GPHN: variants seen among roughly 807,000 people sequenced by gnomAD.
GPHN encodes gephyrin.
Under a neutral mutation model 95.5 loss-of-function variants are expected in GPHN, and 17 were observed. The ratio of observed to expected loss-of-function variants is 0.18; its 90% CI spans 0.12 to 0.27. The LOEUF is 0.27. Among genes scored for constraint, GPHN ranks in the 10% least tolerant of loss-of-function variants. The pLI is 1.00. For synonymous variants in GPHN, 320 were observed against 322.5 expected, an observed-to-expected ratio of 0.99 and a Z score of 0.08; for missense variants, 660 against 978.1, an observed-to-expected ratio of 0.67 and a Z score of 4.34.
chr14:67,360,238 G>A, the GPHN span: 286 of 399,712 alleles, frequency 7.2e-4, no homozygotes, highest in African/African-American at 5.4e-3. Context: ...ATCTACATTC[G>A]TCCTTGTTCT....
the GPHN span, chr14:67,473,311 G>C: frequency 6.8e-7 from 1 of 1,470,034 alleles, no homozygotes; most frequent in Non-Finnish European, 9.2e-7. The surrounding 1 kb of genome is among the most constrained non-coding windows in gnomAD (Gnocchi z 6.5). Flanking sequence ...TAGGGCTGAG[G>C]CTTGGCCGGA....
At chr14:67,528,717 G>C in the GPHN span, among the ~76,000 whole-genome samples, 1 of 151,884 alleles carries the variant, frequency 6.6e-6, no homozygotes, top group Non-Finnish European at 1.5e-5. Flanking sequence ...CGTATAACCC[G>C]CAGCTGCAGC....
At chr14:67,591,541 A>AT in the GPHN span, among the ~76,000 whole-genome samples, 1 of 152,084 alleles carries the variant, frequency 6.6e-6, no homozygotes, top group African/African-American at 2.4e-5. Context: ...TGTTTGTATA[A>AT]TTTTTGTTTT....
the GPHN span, among the ~76,000 whole-genome samples, chr14:67,506,361 G>A: frequency 6.5e-4 from 99 of 152,202 alleles, no homozygotes; most frequent in Admixed American, 1.6e-3. Flanking sequence ...AATCCCACTG[G>A]ATAAACATAA....
the GPHN span, among the ~76,000 whole-genome samples, chr14:67,256,476 G>A: frequency 6.6e-6 from 1 of 152,074 alleles, no homozygotes; most frequent in Non-Finnish European, 1.5e-5. Flanking sequence ...TACAATAAAG[G>A]TATATCAAAA....
chr14:66,791,315 G>C (rs1415418671), intron 3 of GPHN, among the ~76,000 whole-genome samples: 1 of 152,182 alleles, frequency 6.6e-6, no homozygotes, highest in Non-Finnish European at 1.5e-5. Context: ...ACAGGGTCCT[G>C]ATCCAGCCCC....
At chr14:66,697,562 T>C (rs2068184834) in intron 2 of GPHN, among the ~76,000 whole-genome samples, 1 of 152,164 alleles carries the variant, frequency 6.6e-6, no homozygotes, top group Non-Finnish European at 1.5e-5. Context: ...TCATGTGAAC[T>C]TTCATTCTTA....
At chr14:67,341,758 G>T in the GPHN span, among the ~76,000 whole-genome samples, 1 of 152,264 alleles carries the variant, frequency 6.6e-6, no homozygotes, top group Admixed American at 6.5e-5. Flanking sequence ...GAAAGGTGGG[G>T]AAAAGATAGA....
At chr14:67,711,065 G>T in the GPHN span, among the ~76,000 whole-genome samples, 1 of 152,158 alleles carries the variant, frequency 6.6e-6, no homozygotes, top group Non-Finnish European at 1.5e-5. Flanking sequence ...AACAAATTTT[G>T]AGAGGAACTT....
chr14:66,653,790 C>A (rs1323887132), intron 1 of GPHN, among the ~76,000 whole-genome samples: 1 of 152,092 alleles, frequency 6.6e-6, no homozygotes, highest in East Asian at 1.9e-4. Context: ...GAGAAGTATT[C>A]CATGGTATGG....
At chr14:67,052,991 G>A (rs915556449) in intron 10 of GPHN, among the ~76,000 whole-genome samples, 3 of 151,266 alleles carry the variant, frequency 2.0e-5, no homozygotes, top group African/African-American at 7.3e-5. Flanking sequence ...ACATCAGAAA[G>A]TTAAAAGATC....
At chr14:66,987,324 T>C (rs1326565947) in intron 9 of GPHN, among the ~76,000 whole-genome samples, 1 of 152,032 alleles carries the variant, frequency 6.6e-6, no homozygotes, top group Non-Finnish European at 1.5e-5. Flanking sequence ...GAAATAAAGA[T>C]AAAAATGGCA....
the GPHN span, among the ~76,000 whole-genome samples, chr14:67,499,678 A>C: frequency 6.6e-6 from 1 of 152,166 alleles, no homozygotes; most frequent in African/African-American, 2.4e-5. Context: ...GGACAGGAAT[A>C]GGGGCAGAGA....
chr14:67,653,488 G>T, the GPHN span: 1 of 1,613,800 alleles, frequency 6.2e-7, no homozygotes, highest in Non-Finnish European at 8.5e-7. Flanking sequence ...GTTTTCACTT[G>T]TGTTTACCAG....
In GPHN at chr14:66,965,960, A is replaced by G. The variant is rs2069296487; in HGVS notation, c.963+635A>G. Among the ~76,000 whole-genome samples the G allele has an allele frequency of 3.3e-5, 5 of 152,142 alleles. No individual in the cohort carries two copies. In the South Asian group the frequency reaches 1.0e-3, roughly 32 times the overall value. On this transcript the variant is annotated intron_variant, in intron 9 of 22. Transcript: ENST00000478722. ...TTATATGCTGTTCACATCTTTGTAT[A>G]CATGATAAATTAACTAGCAGACATT...
chr14:66,561,442 C>T (rs2060238036), intron 1 of GPHN, among the ~76,000 whole-genome samples: 1 of 151,958 alleles, frequency 6.6e-6, no homozygotes, highest in Non-Finnish European at 1.5e-5. Flanking sequence ...ATTCTGTATT[C>T]TGTCGAATCC....
chr14:66,960,361 T>G (rs2068814302), intron 8 of GPHN, among the ~76,000 whole-genome samples: 1 of 151,924 alleles, frequency 6.6e-6, no homozygotes, highest in Non-Finnish European at 1.5e-5. Context: ...AACTTGACAT[T>G]TAAATATTAT....
chr14:67,160,211 G>GA (rs2081893319), intron 19 of GPHN, among the ~76,000 whole-genome samples: 1 of 152,166 alleles, frequency 6.6e-6, no homozygotes, highest in South Asian at 2.1e-4. Context: ...ACTTGCTAGA[G>GA]AAAATGGATC....
At chr14:67,008,883 G>A (rs890598565) in intron 9 of GPHN, among the ~76,000 whole-genome samples, 2 of 152,018 alleles carry the variant, frequency 1.3e-5, no homozygotes, top group African/African-American at 4.8e-5. Context: ...TTTGATTACT[G>A]CCTATTGACT....
Sources: gnomAD v4.1 joint callset for allele counts (sites outside exome capture counted in the v4.1 genomes callset) on GRCh38, gnomAD v4.1.1 for gene constraint, Gnocchi (gnomAD v3.1) non-coding constraint, MANE v1.5 for transcripts, NCBI Gene and HGNC (gene_info 2026-07-23, HGNC 2026-07-21) for gene names.